The following TMEM132B variants were observed in gnomAD, a reference collection of about 807,000 sequenced individuals.
The protein encoded by TMEM132B is transmembrane protein 132B.
Under a neutral mutation model 90.8 loss-of-function variants are expected in TMEM132B, and 18 were observed. The ratio of observed to expected loss-of-function variants is 0.20; its 90% confidence interval spans 0.14 to 0.29. The LOEUF is 0.29. TMEM132B is among the 10% of genes least tolerant of loss of function. The pLI is 1.00. For missense variants in TMEM132B, 1,096 were observed against 1,326.8 expected (o/e 0.83, Z 2.70); for synonymous variants, 504 against 523.3 (o/e 0.96, Z 0.50).
chr12:125,327,960 C>T (rs575258687), intron 1 of TMEM132B, among the ~76,000 whole-genome samples: 1 of 152,144 alleles, frequency 6.6e-6, no homozygotes, highest in African/African-American at 2.4e-5. Context: ...GAATGGATGG[C>T]CCTAGCCAAC....
intron 1 of TMEM132B, among the ~76,000 whole-genome samples, chr12:125,337,299 G>A (rs914287467): frequency 3.9e-5 from 6 of 152,030 alleles, no homozygotes; most frequent in Admixed American, 2.0e-4. Context: ...ACTCCTAGGC[G>A]TGGCTTAACA....
At chr12:125,497,761 T>G (rs1390877771) in intron 3 of TMEM132B, among the ~76,000 whole-genome samples, 2 of 152,214 alleles carry the variant, frequency 1.3e-5, no homozygotes, top group Non-Finnish European at 2.9e-5. Flanking sequence ...GGAGTTTGAC[T>G]TTGTCTGAAA....
intron 5 of TMEM132B, among the ~76,000 whole-genome samples, chr12:125,589,253 C>A (rs10773177): frequency 6.6e-6 from 1 of 151,738 alleles, no homozygotes; most frequent in East Asian, 2.0e-4. Context: ...GAGGCCAAGG[C>A]GGGCAGATCA....
rs371507724 is a variant in TMEM132B at position 125,339,745 on chromosome 12, G to A, written c.68-9707G>A. On this transcript the variant is annotated intron_variant, in intron 1 of 8. Transcript: ENST00000682704. ...AGCAAAGTTACACGCTGAGAACGCA[G>A]TGCAAGAAGACAGAGGAGCTAGCTA... Among the ~76,000 whole-genome samples, 16 of 152,204 alleles carry A rather than the reference G, an allele frequency of 1.1e-4. 2 individuals carry two copies. The highest frequency in any genetic ancestry group is 3.9e-4 in the African/African-American group (16 of 41,500).
chr12:125,577,689 G>A (rs893847617), intron 4 of TMEM132B, among the ~76,000 whole-genome samples: 1 of 151,546 alleles, frequency 6.6e-6, no homozygotes, highest in Admixed American at 6.6e-5. Context: ...TAAGGTAGAA[G>A]GCTAGGTTAT....
intron 1 of TMEM132B, among the ~76,000 whole-genome samples, chr12:125,293,623 T>G (rs1875597509): frequency 6.6e-6 from 1 of 152,222 alleles, no homozygotes; most frequent in Admixed American, 6.5e-5. Context: ...GCAAAGGACA[T>G]GATTTTGTTC....
chr12:125,384,719 C>T (rs1008473049), intron 2 of TMEM132B, among the ~76,000 whole-genome samples: 5 of 152,148 alleles, frequency 3.3e-5, no homozygotes, highest in Admixed American at 2.6e-4. Context: ...AGCATGATCT[C>T]GGCTCACTGC....
intron 3 of TMEM132B, among the ~76,000 whole-genome samples, chr12:125,473,735 A>T (rs1881783264): frequency 6.6e-6 from 1 of 152,232 alleles, no homozygotes; most frequent in Non-Finnish European, 1.5e-5. Context: ...AAGATGGCTT[A>T]GAGGTCTTTC....
At chr12:125,290,428 C>T (rs899002259) in intron 1 of TMEM132B, among the ~76,000 whole-genome samples, 1 of 152,210 alleles carries the variant, frequency 6.6e-6, no homozygotes. Flanking sequence ...CCCAGATTTC[C>T]TTCCTTCTCG....
intron 1 of TMEM132B, chr12:125,300,921 G>A (rs568987137): frequency 2.6e-5 from 4 of 151,972 alleles, no homozygotes; most frequent in Non-Finnish European, 4.4e-5. Flanking sequence ...CAGCTTTCTC[G>A]GTGACTTCTG....
intron 4 of TMEM132B, among the ~76,000 whole-genome samples, chr12:125,541,241 A>G (rs1566067860): frequency 6.6e-6 from 1 of 152,220 alleles, no homozygotes; most frequent in South Asian, 2.1e-4. Context: ...ACAGCAGCTG[A>G]CACATATAGA....
At chr12:125,583,769 G>T in intron 4 of TMEM132B, 82 bp from the exon 5 acceptor site, 1 of 1,512,748 alleles carries the variant, frequency 6.6e-7, no homozygotes, top group Non-Finnish European at 9.0e-7. Flanking sequence ...GAAGGCAGTA[G>T]GGAGCTTGGT....
intron 1 of TMEM132B, among the ~76,000 whole-genome samples, chr12:125,331,894 C>T (rs1256634736): frequency 6.6e-6 from 1 of 152,172 alleles, no homozygotes; most frequent in Non-Finnish European, 1.5e-5. Context: ...GCTGGGACTA[C>T]AGACACTTGC....
intron 5 of TMEM132B, among the ~76,000 whole-genome samples, chr12:125,628,746 C>A (rs1447410905): frequency 6.6e-6 from 1 of 152,044 alleles, no homozygotes; most frequent in Non-Finnish European, 1.5e-5. Context: ...TGGAGAGATT[C>A]CCTAATGTTT....
chr12:125,192,606 G>A (rs142551295), intron 1 of TMEM132B, among the ~76,000 whole-genome samples: 231 of 152,300 alleles, frequency 1.5e-3, no homozygotes, highest in Middle Eastern at 6.8e-3. Context: ...GCCTCTCAAA[G>A]TGCTGGGATT....
intron 6 of TMEM132B, among the ~76,000 whole-genome samples, chr12:125,650,185 T>A (rs1434923106): frequency 1.3e-5 from 2 of 152,220 alleles, no homozygotes; most frequent in African/African-American, 4.8e-5. Context: ...TGAGGTGTCA[T>A]CATATCTTGA....
chr12:125,398,258 A>G (rs2136315110), intron 2 of TMEM132B, among the ~76,000 whole-genome samples: 1 of 152,234 alleles, frequency 6.6e-6, no homozygotes, highest in East Asian at 1.9e-4. Context: ...TTCCTGAGTT[A>G]TTGGGAAATC....
chr12:125,492,087 G>A lies in TMEM132B; in HGVS notation c.1107-27352G>A, dbSNP rs887817804. Reference sequence around the variant, plus strand: ...ATCAAGGAGGATCAATACTGCTTATGTGGAGTGAAAGTGGCCCATGTCATG... The same window carrying A: ...ATCAAGGAGGATCAATACTGCTTATATGGAGTGAAAGTGGCCCATGTCATG... On this transcript the variant is annotated intron_variant, in intron 3 of 8. Coordinates refer to ENST00000682704, the MANE Select transcript of TMEM132B (RefSeq NM_001366854.1). The surrounding 1 kb of genome is among the most constrained non-coding windows in gnomAD (Gnocchi z 5.8). 1.3e-5 allele frequency among the ~76,000 whole-genome samples: 2 copies of A among 152,226 alleles called. No individual in the cohort carries two copies. Among genetic ancestry groups the A allele is most frequent in the African/African-American group, 4.8e-5 (2 of 41,452 alleles).
intron 1 of TMEM132B, among the ~76,000 whole-genome samples, chr12:125,242,170 A>G (rs1874086395): frequency 6.6e-6 from 1 of 152,102 alleles, no homozygotes; most frequent in African/African-American, 2.4e-5. Context: ...AAAAATTTTG[A>G]GTCAGGGTCT....
Sources: gnomAD v4.1 joint callset for allele counts (sites outside exome capture counted in the v4.1 genomes callset) on GRCh38, gnomAD v4.1.1 for gene constraint, Gnocchi (gnomAD v3.1) non-coding constraint, MANE v1.5 for transcripts, NCBI Gene and HGNC (gene_info 2026-07-23, HGNC 2026-07-21) for gene names.